BCR: variants seen among roughly 807,000 people sequenced by gnomAD.
BCR encodes the protein breakpoint cluster region protein.
Under a neutral mutation model 138.6 loss-of-function variants are expected in BCR, and 58 were observed. The observed-to-expected ratio is 0.42, with a 90% CI of 0.34 to 0.52. The LOEUF (loss-of-function observed/expected upper bound fraction) is 0.52. Among genes scored for constraint, BCR ranks in the 20% least tolerant of loss-of-function variants. The pLI is 0.06. For missense variants in BCR, 1,599 were observed against 1,727.2 expected, an observed-to-expected ratio of 0.93 and a Z score of 1.32; for synonymous variants, 786 against 730.1, an observed-to-expected ratio of 1.08 and a Z score of -1.23.
intron 1 of BCR, among the ~76,000 whole-genome samples, chr22:23,196,860 G>A (rs540843734): frequency 3.0e-4 from 46 of 152,302 alleles, no homozygotes; most frequent in Middle Eastern, 3.4e-3. Context: ...TCCGCCTACC[G>A]CTCACCTCCA....
intron 19 of BCR, 135 bp downstream of exon 19, chr22:23,311,971 TAAA>T: frequency 7.0e-7 from 1 of 1,432,136 alleles, no homozygotes; most frequent in Non-Finnish European, 9.3e-7. Flanking sequence ...TTATTATTTT[TAAA>T]AAAGAGAAGA....
In BCR at chr22:23,267,411, G is replaced by A. The variant is rs539476708; in HGVS notation, c.1753-997G>A. Among the ~76,000 whole-genome samples, 87 of 152,280 alleles carry A rather than the reference G, an allele frequency of 5.7e-4. 1 individual carries two copies. The highest frequency in any genetic ancestry group is 1.0e-3 in the Non-Finnish European group (70 of 68,010). The stretch of plus-strand genomic sequence containing the variant: ...TCTTGCAGCCCTTGTAGGGAGCAGG[G>A]CCAGAAGATCAGACAGTGCCAAGGG... On this transcript the variant is annotated intron_variant, in intron 4 of 22. Coordinates refer to ENST00000305877, the MANE Select transcript of BCR (RefSeq NM_004327.4).
At chr22:23,194,799 G>C (rs865855726) in intron 1 of BCR, among the ~76,000 whole-genome samples, 1 of 152,052 alleles carries the variant, frequency 6.6e-6, no homozygotes, top group Non-Finnish European at 1.5e-5. Context: ...AAGTGAGCTG[G>C]GCATGGTGGC....
chr22:23,233,822 A>C (rs916825528), intron 1 of BCR, among the ~76,000 whole-genome samples: 3 of 151,700 alleles, frequency 2.0e-5, no homozygotes, highest in Admixed American at 1.3e-4. Context: ...AGAAAAAAAA[A>C]AAGAAGAACA....
At chr22:23,251,603 TC>T (rs1205202469) in intron 1 of BCR, among the ~76,000 whole-genome samples, 2 of 152,260 alleles carry the variant, frequency 1.3e-5, no homozygotes. Flanking sequence ...AGTCTCCACT[TC>T]AGGATTGCTG....
chr22:23,294,656 C>T (rs1233176567), intron 15 of BCR, among the ~76,000 whole-genome samples: 1 of 152,210 alleles, frequency 6.6e-6, no homozygotes, highest in South Asian at 2.1e-4. Flanking sequence ...ACCTTGGCCT[C>T]CCAAAGTACT....
chr22:23,297,217 TTTTG>T (rs2073855666), intron 16 of BCR, among the ~76,000 whole-genome samples: 8 of 140,738 alleles, frequency 5.7e-5, no homozygotes, highest in African/African-American at 1.2e-4. Flanking sequence ...GTTTTTTGTT[TTTTG>T]TTTTTTTTTT....
In BCR at chr22:23,314,554, T is replaced by C. The variant is rs1568988618; in HGVS notation, c.3566T>C (p.Val1189Ala). 6.2e-7 allele frequency: 1 copy of C among 1,611,686 alleles called. No individual in the cohort carries two copies. The highest frequency in any genetic ancestry group is 8.5e-7 in the Non-Finnish European group (1 of 1,179,812). ...FLFLLDHLKR[V>A]AEKEAVNKMS... is the part of the protein sequence containing the mutation. ...CCCGCTGCTTTGGTCCTCTACAGGGTGGCAGAGAAGGAGGCAGTCAATAAG... is the reference window on the plus strand; with the variant it reads ...CCCGCTGCTTTGGTCCTCTACAGGGCGGCAGAGAAGGAGGCAGTCAATAAG... Residue 1189 changes from valine (V) to alanine (A), a missense_variant and splice_region_variant, in exon 22 of 23, where the codon GTG becomes GCG. Physicochemically the swap from Val to Ala is moderately conservative, Grantham distance 64 (BLOSUM62 0). This residue lies in a region of BCR where 177 missense variants were observed against 226.4 expected (regional missense o/e 0.78). Coordinates refer to ENST00000305877, the MANE Select transcript of BCR (RefSeq NM_004327.4).
At chr22:23,255,027 T>A in intron 2 of BCR, among the ~76,000 whole-genome samples, 1 of 152,158 alleles carries the variant, frequency 6.6e-6, no homozygotes, top group East Asian at 1.9e-4. Context: ...AGACCCTATC[T>A]TTAAAAATAA....
intron 3 of BCR, 134 bp from the exon 4 acceptor site, chr22:23,261,221 A>C (rs1340658213): frequency 2.3e-6 from 3 of 1,293,252 alleles, no homozygotes; most frequent in Non-Finnish European, 3.2e-6. Flanking sequence ...AGCTGGTTTT[A>C]AAATTGTATT....
At chr22:23,193,062 C>T (rs1417596429) in intron 1 of BCR, among the ~76,000 whole-genome samples, 1 of 152,172 alleles carries the variant, frequency 6.6e-6, no homozygotes, top group African/African-American at 2.4e-5. Flanking sequence ...AGATCCTCTA[C>T]TCAAGTGCCA....
intron 1 of BCR, among the ~76,000 whole-genome samples, chr22:23,250,793 A>C (rs1204002796): frequency 6.6e-6 from 1 of 152,214 alleles, no homozygotes; most frequent in African/African-American, 2.4e-5. Context: ...GTTGGAGACT[A>C]GCCTAGGCAC....
In BCR at chr22:23,314,673, A is replaced by G. The variant is rs369233532; in HGVS notation, c.3685A>G (p.Ile1229Val). 18 of 1,611,038 alleles carry G rather than the reference A, an allele frequency of 1.1e-5. No individual in the cohort carries two copies. The highest frequency in any genetic ancestry group is 6.7e-5 in the East Asian group (3 of 44,820). ...SKLPANPSQP[I>V]TMTDSWSLEV... ...GCTCCCTGCCAACCCCAGCCAGCCT[A>G]TCACCATGACTGACAGCTGGTCCTT... Residue 1229 changes from isoleucine (I) to valine (V), a missense_variant, in exon 22 of 23, where the codon ATC becomes GTC. Ile to Val is a conservative substitution (Grantham distance 29). This residue lies in a region of BCR where 177 missense variants were observed against 226.4 expected (regional missense o/e 0.78). Transcript: ENST00000305877.
At chr22:23,264,319 T>C in intron 4 of BCR, 1 of 987,924 alleles carries the variant, frequency 1.0e-6, no homozygotes, top group Non-Finnish European at 1.6e-6. Context: ...TATGCTGCGC[T>C]GTCTTACAAC....
At chr22:23,184,278 A>G (rs1409523931) in intron 1 of BCR, among the ~76,000 whole-genome samples, 2 of 151,684 alleles carry the variant, frequency 1.3e-5, no homozygotes, top group African/African-American at 4.9e-5. Context: ...TTTTGTAAAT[A>G]CAGGGTCTTG....
At chr22:23,264,510 C>G (rs1340913360) in intron 4 of BCR, 1 of 550,962 alleles carries the variant, frequency 1.8e-6, no homozygotes, top group African/African-American at 1.9e-5. Flanking sequence ...GTAGAGGCTT[C>G]TGACTCCTGG....
intron 2 of BCR, among the ~76,000 whole-genome samples, chr22:23,258,610 G>A (rs544596510): frequency 6.6e-6 from 1 of 152,334 alleles, no homozygotes; most frequent in South Asian, 2.1e-4. Context: ...CACTGGAGGT[G>A]ATTCTGCTCC....
chr22:23,264,181 G>A (rs1475901857), intron 4 of BCR: 1 of 1,333,728 alleles, frequency 7.5e-7, no homozygotes, highest in African/African-American at 1.4e-5. Flanking sequence ...CTTGCCACAG[G>A]TTCCTCCTTC....
intron 16 of BCR, among the ~76,000 whole-genome samples, chr22:23,297,207 G>GTTGTTTTTTTTTTTT (rs2073854461): frequency 1.0e-5 from 1 of 97,382 alleles, no homozygotes; most frequent in African/African-American, 4.9e-5. Context: ...TGGCTAAGTT[G>GTTGTTTTTTTTTTTT]TTTTTTGTTT....
Sources: gnomAD v4.1 joint callset for allele counts (sites outside exome capture counted in the v4.1 genomes callset) on GRCh38, gnomAD v4.1.1 for gene constraint, gnomAD v4.1.1 regional missense constraint, MANE v1.5 for transcripts, NCBI Gene and HGNC (gene_info 2026-07-23, HGNC 2026-07-21) for gene names.